Variants in DR1 observed in about 807,000 individuals in gnomAD.
The protein encoded by DR1 is down-regulator of transcription 1, also known as protein Dr1.
In DR1, 7 loss-of-function variants were observed where a neutral mutation model predicts 19.9. That is an observed-to-expected ratio of 0.35 (90% confidence interval 0.20 to 0.66). The LOEUF (loss-of-function observed/expected upper bound fraction) is 0.66. Ranked by LOEUF, DR1 falls within the 30% of genes least tolerant of loss-of-function variation. DR1 has a pLI of 0.66. For missense variants in DR1, 98 were observed against 203.7 expected, an observed-to-expected ratio of 0.48 and a Z score of 3.16; for synonymous variants, 76 against 72.5, an observed-to-expected ratio of 1.05 and a Z score of -0.24.
In DR1 at chr1:93,367,624, A is replaced by G. The variant is rs771449; in HGVS notation, c.*6985A>G. Reference sequence around the variant, plus strand: ...CTTTGGGAATTGAGAAGAAACCAGAATACCCAGAGAAAACTCATGCAGATA... The same window carrying G: ...CTTTGGGAATTGAGAAGAAACCAGAGTACCCAGAGAAAACTCATGCAGATA... On this transcript the variant is annotated 3_prime_UTR_variant, in exon 3 of 3. Coordinates refer to ENST00000370272, the MANE Select transcript of DR1 (RefSeq NM_001938.3). 0.72 allele frequency: 110,283 copies of G among 152,178 alleles called. 42,648 individuals are homozygous for G. The highest frequency in any genetic ancestry group is 0.96 in the East Asian group (4,970 of 5,184). The allele number at this position is 152,178 out of a possible 1,614,324, so 9.4% of individuals were successfully genotyped here.
In DR1 at chr1:93,364,842, C is replaced by CTT. The variant is rs540011438; in HGVS notation, c.*4206_*4207dup. On this transcript the variant is annotated 3_prime_UTR_variant, in exon 3 of 3. Transcript: ENST00000370272. ...ATGTTTCCTTTTTCTTTTTTCTTTTCTTTTCTTTCTTTTTTTTTTTTTTTT... is the reference window on the plus strand; with the variant it reads ...ATGTTTCCTTTTTCTTTTTTCTTTTCTTTTTTCTTTCTTTTTTTTTTTTTTTT... 1.3e-5 allele frequency: 1 copy of CTT among 79,758 alleles called. No individual in the cohort carries two copies. The highest frequency in any genetic ancestry group is 1.5e-4 in the Admixed American group (1 of 6,850). 4.9% of individuals were successfully genotyped at this position (79,758 alleles called of 1,614,324 possible).
In DR1 at chr1:93,364,759, A is replaced by G. The variant is rs1667097807; in HGVS notation, c.*4120A>G. 1 of 151,802 alleles carries G rather than the reference A, an allele frequency of 6.6e-6. No individual in the cohort carries two copies. The highest frequency in any genetic ancestry group is 1.5e-5 in the Non-Finnish European group (1 of 68,044). The allele number at this position is 151,802 out of a possible 1,614,324, so 9.4% of individuals were successfully genotyped here. On this transcript the variant is annotated 3_prime_UTR_variant, in exon 3 of 3. Transcript: ENST00000370272. ...TTTCCTCAAAATAAATGAGAAGAGA[A>G]AGTAAGGAATAAGAGGAAGAAACTT...
In DR1 at chr1:93,362,376, C is replaced by T. The variant is rs1667066763; in HGVS notation, c.*1737C>T. The T allele has an allele frequency of 6.6e-6, 1 of 150,906 alleles. No individual in the cohort carries two copies. The highest frequency in any genetic ancestry group is 1.5e-5 in the Non-Finnish European group (1 of 67,684). 9.3% of individuals were successfully genotyped at this position (150,906 alleles called of 1,614,324 possible). ...CTTTTCTAATTTGTACTGTAACATCCTTATACTTTCTATTTTAAGTATATC... is the reference window on the plus strand; with the variant it reads ...CTTTTCTAATTTGTACTGTAACATCTTTATACTTTCTATTTTAAGTATATC... On this transcript the variant is annotated 3_prime_UTR_variant, in exon 3 of 3. Transcript: ENST00000370272.
In DR1 at chr1:93,366,259, T is replaced by C. The variant is rs539677819; in HGVS notation, c.*5620T>C. On this transcript the variant is annotated 3_prime_UTR_variant, in exon 3 of 3. Transcript: ENST00000370272. Reference sequence around the variant, plus strand: ...TTCCTCTTAAAGGCCAAATATGCCGTAGTATGTAAATACCGTATTTTGTTT... The same window carrying C: ...TTCCTCTTAAAGGCCAAATATGCCGCAGTATGTAAATACCGTATTTTGTTT... The C allele has an allele frequency of 1.4e-4, 21 of 152,378 alleles. No individual in the cohort carries two copies. The highest frequency in any genetic ancestry group is 4.3e-4 in the African/African-American group (18 of 41,598). 9.4% of individuals were successfully genotyped at this position (152,378 alleles called of 1,614,324 possible). A position where few individuals can be genotyped will look rare whatever the true frequency, so the allele number is the denominator to read the frequency against.
Position 93,360,631 on chromosome 1 carries a change from G to A in DR1, c.523G>A (p.Asp175Asn). 1 of 1,584,634 alleles carries A rather than the reference G, an allele frequency of 6.3e-7. No individual in the cohort carries two copies. Among genetic ancestry groups the A allele is most frequent in the Non-Finnish European group, 8.5e-7 (1 of 1,170,218 alleles). The change falls in exon 3 of 3, where the codon GAT becomes AAT. Residue 175 changes from aspartate (D) to asparagine (N), a missense_variant. Coordinates refer to ENST00000370272, the MANE Select transcript of DR1 (RefSeq NM_001938.3). ...GSSQDEEDDD[D>N]I ...TTCTCAGGATGAAGAAGATGATGAT[G>A]ATATCTGAAATTCACCAGCTGAGTT...
In DR1 at chr1:93,369,440, C is replaced by G. The variant is rs1667207961; in HGVS notation, c.*8801C>G. On this transcript the variant is annotated 3_prime_UTR_variant, in exon 3 of 3. Transcript: ENST00000370272. ...TCTGTCCACTGTTGTCTAAATGATT[C>G]ACTCAGTGTTATGCAGAATATGAGA... 2.0e-5 allele frequency: 3 copies of G among 152,136 alleles called. No individual in the cohort carries two copies. Among genetic ancestry groups the G allele is most frequent in the Non-Finnish European group, 4.4e-5 (3 of 68,016 alleles). 9.4% of individuals were successfully genotyped at this position (152,136 alleles called of 1,614,324 possible).
At position 93,368,797 on chromosome 1, in the gene DR1, A is replaced by G. The variant is rs1649145540; in HGVS notation, c.*8158A>G. 3 of 152,206 alleles carry G rather than the reference A, an allele frequency of 2.0e-5. No individual in the cohort carries two copies. Among genetic ancestry groups the G allele is most frequent in the Middle Eastern group, 3.4e-3 (1 of 294 alleles). 9.4% of individuals were successfully genotyped at this position (152,206 alleles called of 1,614,324 possible). ...GTTTTCATGTGCAGTTGCCTTACAC[A>G]TATACTAGTAGCCCTTACAAAATTT... On this transcript the variant is annotated 3_prime_UTR_variant, in exon 3 of 3. Coordinates refer to ENST00000370272, the MANE Select transcript of DR1 (RefSeq NM_001938.3).
intron 2 of DR1, among the ~76,000 whole-genome samples, chr1:93,360,016 A>G (rs964063507): frequency 2.6e-5 from 4 of 152,298 alleles, no homozygotes; most frequent in African/African-American, 7.2e-5. Context: ...CTTCTTTCCT[A>G]TGAGGTAGAG....
chr1:93,367,224 A>G lies in DR1; in HGVS notation c.*6585A>G, dbSNP rs935586940. 1.3e-5 allele frequency: 2 copies of G among 151,988 alleles called. No individual in the cohort carries two copies. Among genetic ancestry groups the G allele is most frequent in the Non-Finnish European group, 2.9e-5 (2 of 68,030 alleles). The allele number at this position is 151,988 out of a possible 1,614,324, so 9.4% of individuals were successfully genotyped here. A position where few individuals can be genotyped will look rare whatever the true frequency, so the allele number is the denominator to read the frequency against. On this transcript the variant is annotated 3_prime_UTR_variant, in exon 3 of 3. Transcript: ENST00000370272. The stretch of plus-strand genomic sequence containing the variant: ...AGTGAGTGACAGCAGTTGTAGTGCT[A>G]GTGGGTTAAATCAAGGAATAACTGT...
chr1:93,358,565 C>G (rs1345801453), intron 2 of DR1, among the ~76,000 whole-genome samples: 1 of 152,046 alleles, frequency 6.6e-6, no homozygotes, highest in Non-Finnish European at 1.5e-5. Context: ...CTCCTCCAAG[C>G]GCAGATATAT....
intron 1 of DR1, among the ~76,000 whole-genome samples, chr1:93,352,349 C>T (rs1301219779): frequency 6.6e-6 from 1 of 152,174 alleles, no homozygotes; most frequent in Non-Finnish European, 1.5e-5. Context: ...GGATTATAGG[C>T]GTGAGCCACC....
In DR1 at chr1:93,368,577, T is replaced by C. The variant is rs1423125724; in HGVS notation, c.*7938T>C. 6.6e-6 allele frequency: 1 copy of C among 152,230 alleles called. No homozygotes were observed. Among genetic ancestry groups the C allele is most frequent in the Non-Finnish European group, 1.5e-5 (1 of 68,050 alleles). 9.4% of individuals were successfully genotyped at this position (152,230 alleles called of 1,614,324 possible). On this transcript the variant is annotated 3_prime_UTR_variant, in exon 3 of 3. Transcript: ENST00000370272. ...GTCTGATTATGCAAATACCTTCTAA[T>C]ACGTTTGTTTCTTTTGTTGTGCCTA...
chr1:93,349,333 C>G (rs1459168960), intron 1 of DR1, among the ~76,000 whole-genome samples: 1 of 151,952 alleles, frequency 6.6e-6, no homozygotes, highest in African/African-American at 2.4e-5. Flanking sequence ...ACCATAGATA[C>G]ATGAATAGAG....
intron 2 of DR1, 35 bp downstream of exon 2, chr1:93,354,106 C>T: frequency 6.3e-7 from 1 of 1,585,044 alleles, no homozygotes. Flanking sequence ...TCCTCTGAAT[C>T]CTACCCTGTT....
Position 93,360,906 on chromosome 1 carries a change from C to T in DR1, c.*267C>T, listed in dbSNP as rs1224734474. 2 of 316,184 alleles carry T rather than the reference C, an allele frequency of 6.3e-6. No individual in the cohort carries two copies. The highest frequency in any genetic ancestry group is 5.8e-6 in the Non-Finnish European group (1 of 173,840). The allele number at this position is 316,184 out of a possible 1,614,324, so 19.6% of individuals were successfully genotyped here. On this transcript the variant is annotated 3_prime_UTR_variant, in exon 3 of 3. Coordinates refer to ENST00000370272, the MANE Select transcript of DR1 (RefSeq NM_001938.3). ...AAATTTTAGATAGCAGCGAGTCCTT[C>T]GTTTGATCAATAAACAGTGTTACAG...
At chr1:93,348,288 T>C (rs1440197747) in intron 1 of DR1, among the ~76,000 whole-genome samples, 1 of 152,028 alleles carries the variant, frequency 6.6e-6, no homozygotes, top group Non-Finnish European at 1.5e-5. Flanking sequence ...TTTTCCCTTG[T>C]GTATTTATTT....
intron 2 of DR1, chr1:93,355,258 C>T (rs1411685858): frequency 2.0e-5 from 3 of 152,156 alleles, no homozygotes; most frequent in South Asian, 2.1e-4. Context: ...GACTCAGAGG[C>T]GGAAAAACTT....
In DR1 at chr1:93,362,946, A is replaced by G. The variant is rs1667076298; in HGVS notation, c.*2307A>G. On this transcript the variant is annotated 3_prime_UTR_variant, in exon 3 of 3. Transcript: ENST00000370272. ...AAATCTTCAGCGTTCTTGAGAAATAAAATTATTGTTCAGTAAGTATTTTTC... is the reference window on the plus strand; with the variant it reads ...AAATCTTCAGCGTTCTTGAGAAATAGAATTATTGTTCAGTAAGTATTTTTC... 6.7e-6 allele frequency: 1 copy of G among 149,474 alleles called. No homozygotes were observed. Among genetic ancestry groups the G allele is most frequent in the African/African-American group, 2.4e-5 (1 of 40,872 alleles). The allele number at this position is 149,474 out of a possible 1,614,324, so 9.3% of individuals were successfully genotyped here.
Position 93,356,824 on chromosome 1 carries a change from C to T in DR1, c.384+2753C>T, listed in dbSNP as rs145106359. On this transcript the variant is annotated intron_variant, in intron 2 of 2. Coordinates refer to ENST00000370272, the MANE Select transcript of DR1 (RefSeq NM_001938.3). ...GCAACCTCCGCCTCCCGGGTTCAAG[C>T]GATTCTCCTGCCTCAGCTTCCCAAG... Among the ~76,000 whole-genome samples the T allele has an allele frequency of 5.4e-3, 818 of 151,506 alleles. 5 individuals are homozygous for T. The highest frequency in any genetic ancestry group is 8.0e-3 in the Non-Finnish European group (545 of 67,928).
Sources: gnomAD v4.1 joint callset for allele counts (sites outside exome capture counted in the v4.1 genomes callset) on GRCh38, gnomAD v4.1.1 for gene constraint, MANE v1.5 for transcripts, NCBI Gene and HGNC (gene_info 2026-07-23, HGNC 2026-07-21) for gene names.